Variants in RAD51C observed in about 807,000 individuals in gnomAD.
RAD51C encodes DNA repair protein RAD51 homolog 3.
A neutral mutation model predicts 45.0 loss-of-function variants in RAD51C; 42 were observed. The observed-to-expected ratio is 0.93, with a 90% CI of 0.73 to 1.21. The LOEUF (loss-of-function observed/expected upper bound fraction) is 1.21, where lower values mean the gene tolerates loss of function less well. RAD51C is among the 50% of genes most tolerant of loss of function. RAD51C has a pLI of 0.00. For missense variants in RAD51C, 474 were observed against 452.2 expected (o/e 1.05, Z -0.44); for synonymous variants, 172 against 159.8 (o/e 1.08, Z -0.58).
At chr17:58,722,489 T>C (rs756418391) in intron 6 of RAD51C, among the ~76,000 whole-genome samples, 1 of 152,202 alleles carries the variant, frequency 6.6e-6, no homozygotes, top group Non-Finnish European at 1.5e-5. Context: ...AAATTGCACA[T>C]GTGGCAAGTG....
chr17:58,733,741 C>T (rs749834531), intron 8 of RAD51C, among the ~76,000 whole-genome samples: 38 of 151,918 alleles, frequency 2.5e-4, no homozygotes, highest in Non-Finnish European at 2.9e-4. Flanking sequence ...TTTTTTGAGA[C>T]GAAGTCTCAC....
Position 58,692,710 on chromosome 17 carries a change from G to A in RAD51C, c.67G>A (p.Val23Met), listed in dbSNP as rs1386696811. ...DLVSFPLSPA[V>M]RVKLVSAGFQ... ...GGTGAGTTTCCCGCTGTCTCCAGCG[G>A]TGCGGGTGAAGCTGGTGTCTGCGGG... Residue 23 changes from valine to methionine, a missense_variant, in exon 1 of 9, where the codon GTG (valine) becomes ATG (methionine). Val to Met is a conservative substitution (Grantham distance 21, BLOSUM62 1). Coordinates refer to ENST00000337432, the MANE Select transcript of RAD51C (RefSeq NM_058216.3). 1 of 1,614,252 alleles carries A rather than the reference G, an allele frequency of 6.2e-7. No homozygotes were observed. Among genetic ancestry groups the A allele is most frequent in the East Asian group, 2.2e-5 (1 of 44,884 alleles).
chr17:58,695,422 G>A, intron 2 of RAD51C: 1 of 1,163,550 alleles, frequency 8.6e-7, no homozygotes, highest in Non-Finnish European at 1.1e-6. Context: ...TTGTACTGCA[G>A]TCATAAGGTT....
rs2049471981 is a variant in RAD51C, at chr17:58,732,517, G to A, written c.999G>A (p.Lys333=). Reference sequence around the variant, plus strand: ...CATTGTACAAGTCACCCAGCCAGAAGGAATGCACAGTACTGTTTCAAATCA... The same window carrying A: ...CATTGTACAAGTCACCCAGCCAGAAAGAATGCACAGTACTGTTTCAAATCA... ...LATLYKSPSQ[K]ECTVLFQIKP... is the part of the protein sequence containing the mutation. Residue 333 remains lysine, a synonymous_variant, in exon 8 of 9, where the codon AAG becomes AAA. Coordinates refer to ENST00000337432, the MANE Select transcript of RAD51C (RefSeq NM_058216.3). The A allele has an allele frequency of 6.2e-7, 1 of 1,613,380 alleles. No individual in the cohort carries two copies. Among genetic ancestry groups the A allele is most frequent in the Non-Finnish European group, 8.5e-7 (1 of 1,179,500 alleles).
chr17:58,719,886 G>A (rs1006487256), intron 5 of RAD51C, among the ~76,000 whole-genome samples: 1 of 150,912 alleles, frequency 6.6e-6, no homozygotes, highest in Non-Finnish European at 1.5e-5. Flanking sequence ...CCGCCACCAC[G>A]CCCAGCTGAT....
rs943046486 is a variant in RAD51C at position 58,703,113 on chromosome 17, T to C, written c.572-83T>C. The C allele has an allele frequency of 1.8e-5, 27 of 1,460,388 alleles. No individual in the cohort carries two copies. In the Admixed American group the frequency reaches 4.7e-4, roughly 26 times the overall value. The allele number at this position is 1,460,388 out of a possible 1,614,324, so 90.5% of individuals were successfully genotyped here. On this transcript the variant is annotated intron_variant, in intron 3 of 8. Coordinates refer to ENST00000337432, the MANE Select transcript of RAD51C (RefSeq NM_058216.3). ...ATTTTGTTATCCAAAGGAGAACATTTTGTTATTAAAAAGCATTGTTTTTCT... is the reference window on the plus strand; with the variant it reads ...ATTTTGTTATCCAAAGGAGAACATTCTGTTATTAAAAAGCATTGTTTTTCT...
intron 2 of RAD51C, among the ~76,000 whole-genome samples, chr17:58,695,840 G>A (rs547543086): frequency 6.6e-6 from 1 of 152,116 alleles, no homozygotes; most frequent in South Asian, 2.1e-4. Flanking sequence ...GCTGAGGCGG[G>A]TGGATCACCT....
intron 6 of RAD51C, 112 bp from the exon 7 acceptor site, chr17:58,723,928 C>T: frequency 3.0e-6 from 3 of 1,007,698 alleles, no homozygotes; most frequent in Non-Finnish European, 1.5e-6. Context: ...AGCAAGTATA[C>T]TTTCGTTATG....
At chr17:58,722,714 A>G (rs2048961758) in intron 6 of RAD51C, among the ~76,000 whole-genome samples, 1 of 152,212 alleles carries the variant, frequency 6.6e-6, no homozygotes, top group Admixed American at 6.5e-5. Flanking sequence ...CTGTATGAAA[A>G]TAAGATGGCT....
Position 58,692,696 on chromosome 17 carries a change from C to T in RAD51C, c.53C>T (p.Pro18Leu), listed in dbSNP as rs754498936. Residue 18 changes from proline to leucine, a missense_variant, in exon 1 of 9, where the codon CCG (proline) becomes CTG (leucine). Coordinates refer to ENST00000337432, the MANE Select transcript of RAD51C (RefSeq NM_058216.3). ...FEMQRDLVSF[P>L]LSPAVRVKLV... ...ATGCAGCGGGATTTGGTGAGTTTCCCGCTGTCTCCAGCGGTGCGGGTGAAG... is the reference window on the plus strand; with the variant it reads ...ATGCAGCGGGATTTGGTGAGTTTCCTGCTGTCTCCAGCGGTGCGGGTGAAG... 3.1e-6 allele frequency: 5 copies of T among 1,614,250 alleles called. No homozygotes were observed. Among genetic ancestry groups the T allele is most frequent in the East Asian group, 2.2e-5 (1 of 44,888 alleles).
rs182762687 is a variant in RAD51C at position 58,712,849 on chromosome 17, G to A, written c.837+2859G>A. On this transcript the variant is annotated intron_variant, in intron 5 of 8. Transcript: ENST00000337432. Reference sequence around the variant, plus strand: ...AAAAAGAAAATGAGGTCATGCCACCGCAGTGGCTCACGCCTGTAATCCCAG... The same window carrying A: ...AAAAAGAAAATGAGGTCATGCCACCACAGTGGCTCACGCCTGTAATCCCAG... Among the ~76,000 whole-genome samples the A allele has an allele frequency of 2.3e-3, 349 of 151,006 alleles. 1 individual carries two copies. The highest frequency in any genetic ancestry group is 6.9e-3 in the African/African-American group (282 of 41,124).
intron 7 of RAD51C, among the ~76,000 whole-genome samples, chr17:58,730,331 A>ATTTTTTTTTTTT (rs374899142): frequency 7.4e-6 from 1 of 135,042 alleles, no homozygotes. Context: ...CGCCCAGCTA[A>ATTTTTTTTTTTT]TTTTTTTTTT....
chr17:58,696,406 C>T (rs905339633), intron 2 of RAD51C, among the ~76,000 whole-genome samples: 27 of 152,130 alleles, frequency 1.8e-4, no homozygotes, highest in Admixed American at 3.9e-4. Flanking sequence ...GCACTCCAGC[C>T]TGGGCGACAG....
chr17:58,730,615 C>T (rs2049383213), intron 7 of RAD51C, among the ~76,000 whole-genome samples: 1 of 152,032 alleles, frequency 6.6e-6, no homozygotes, highest in Non-Finnish European at 1.5e-5. Context: ...AGAAGAGGGG[C>T]AATTTCAAAA....
chr17:58,734,290 G>T lies in RAD51C; in HGVS notation c.*68G>T. The T allele has an allele frequency of 6.4e-7, 1 of 1,563,510 alleles. No homozygotes were observed. Among genetic ancestry groups the T allele is most frequent in the Non-Finnish European group, 8.7e-7 (1 of 1,151,612 alleles). On this transcript the variant is annotated 3_prime_UTR_variant, in exon 9 of 9. Coordinates refer to ENST00000337432, the MANE Select transcript of RAD51C (RefSeq NM_058216.3). The stretch of plus-strand genomic sequence containing the variant: ...GAAATCAATGTGTACAAGTGGACTT[G>T]TTACCTTAAAGTATAAATAAACACA...
At chr17:58,716,996 G>T (rs2143903362) in intron 5 of RAD51C, among the ~76,000 whole-genome samples, 1 of 151,938 alleles carries the variant, frequency 6.6e-6, no homozygotes, top group East Asian at 2.0e-4. Context: ...TAGAGACGGG[G>T]TTTCACCGTG....
At chr17:58,709,708 T>C in intron 4 of RAD51C, 151 bp from the exon 5 acceptor site, 1 of 679,798 alleles carries the variant, frequency 1.5e-6, no homozygotes, top group Non-Finnish European at 2.4e-6. Flanking sequence ...TGCTATTTAC[T>C]GTTCCAGGCA....
chr17:58,709,092 C>CTTT (rs34570887), intron 4 of RAD51C, among the ~76,000 whole-genome samples: 7 of 117,046 alleles, frequency 6.0e-5, no homozygotes, highest in Non-Finnish European at 8.5e-5. Context: ...TTTTGAATTA[C>CTTT]TTTTTTTTTT....
chr17:58,718,403 C>G (rs573641342), intron 5 of RAD51C, among the ~76,000 whole-genome samples: 1 of 152,178 alleles, frequency 6.6e-6, no homozygotes, highest in South Asian at 2.1e-4. Context: ...AATATTAACT[C>G]TTTTTTTCTG....
Sources: allele counts gnomAD v4.1 joint callset (sites outside exome capture counted in the v4.1 genomes callset), GRCh38; gene constraint gnomAD v4.1.1; transcripts MANE v1.5; gene names NCBI Gene and HGNC (gene_info 2026-07-23, HGNC 2026-07-21).